N4BP2: variants seen among roughly 807,000 people sequenced by gnomAD.
N4BP2 encodes the protein NEDD4-binding protein 2.
N4BP2 carries 91 observed loss-of-function variants against 152.8 expected under a neutral mutation model. The ratio of observed to expected loss-of-function variants is 0.60; its 90% CI spans 0.50 to 0.71. N4BP2 has a LOEUF of 0.71. Ranked by LOEUF, N4BP2 falls within the 30% of genes least tolerant of loss-of-function variation. N4BP2 has a pLI of 0.00. For synonymous variants in N4BP2, 646 were observed against 705.3 expected, an observed-to-expected ratio of 0.92 and a Z score of 1.33; for missense variants, 1,923 against 2,059.1, an observed-to-expected ratio of 0.93 and a Z score of 1.28.
chr4:40,097,393 A>G lies in N4BP2; in HGVS notation c.53A>G (p.Asn18Ser), dbSNP rs554252441. The G allele has an allele frequency of 6.2e-7, 1 of 1,614,126 alleles. No individual in the cohort carries two copies. Among genetic ancestry groups the G allele is most frequent in the South Asian group, 1.1e-5 (1 of 91,076 alleles). The change falls in exon 3 of 18, where the codon AAC (asparagine) becomes AGC (serine). Residue 18 changes from asparagine (N) to serine (S), a missense_variant. Physicochemically the swap from Asn to Ser is conservative, Grantham distance 46 (BLOSUM62 1). Transcript: ENST00000261435. ...GGAAATCCTTTTCGGAAGACTGCAAACCCTAAGGAAGTTGTCGTATCCAGT... is the reference window on the plus strand; with the variant it reads ...GGAAATCCTTTTCGGAAGACTGCAAGCCCTAAGGAAGTTGTCGTATCCAGT... Reference protein sequence around the residue: ...LGGNPFRKTANPKEVVVSSVA... With the variant: ...LGGNPFRKTASPKEVVVSSVA...
rs1721442693 is a variant in N4BP2, at chr4:40,154,544, TATTA to T, written c.*311_*314del. 2 of 274,636 alleles carry T rather than the reference TATTA, an allele frequency of 7.3e-6. No homozygotes were observed. The highest frequency in any genetic ancestry group is 4.6e-5 in the African/African-American group (2 of 43,618). The allele number at this position is 274,636 out of a possible 1,614,324, so 17.0% of individuals were successfully genotyped here. ...TGTTTCTCAGAAAAGGTTACCTTTG[TATTA>T]ATTGTTGTATGACATTTAGTAATGT... On this transcript the variant is annotated 3_prime_UTR_variant, in exon 18 of 18. Transcript: ENST00000261435.
the N4BP2 span, among the ~76,000 whole-genome samples, chr4:40,165,465 T>C: frequency 6.6e-6 from 1 of 152,166 alleles, no homozygotes; most frequent in Non-Finnish European, 1.5e-5. Flanking sequence ...GCCAGGCTGG[T>C]CTTGAACTCC....
At chr4:40,097,715 T>C (rs1191533730) in intron 3 of N4BP2, 146 bp downstream of exon 3, 2 of 622,734 alleles carry the variant, frequency 3.2e-6, no homozygotes, top group African/African-American at 3.7e-5. Context: ...TTACTAAGGT[T>C]GGTATTTGAG....
rs144744607 is a variant in N4BP2, at chr4:40,119,613, G to A, written c.1821-319G>A. Among the ~76,000 whole-genome samples, 746 of 152,024 alleles carry A rather than the reference G, an allele frequency of 4.9e-3. 4 individuals are homozygous for A. The highest frequency in any genetic ancestry group is 0.01 in the Middle Eastern group (3 of 292). On this transcript the variant is annotated intron_variant, in intron 8 of 17. Coordinates refer to ENST00000261435, the MANE Select transcript of N4BP2 (RefSeq NM_018177.6). ...CTAGAAAAGTGGTGTCCTCTCCTGG[G>A]AACAAATTCAGAGCTTTAACTTTAA...
chr4:40,131,169 T>C (rs1718872327), intron 12 of N4BP2, among the ~76,000 whole-genome samples: 1 of 152,200 alleles, frequency 6.6e-6, no homozygotes, highest in African/African-American at 2.4e-5. Context: ...AGTGTCACTT[T>C]TATGAGGACC....
intron 11 of N4BP2, 147 bp downstream of exon 11, chr4:40,124,352 A>T (rs60235459): frequency 0.076 from 30,230 of 399,424 alleles, 2,493 homozygotes; most frequent in East Asian, 0.42. Context: ...TTATTTATTT[A>T]TTTTTTTATT....
chr4:40,154,540 T>A lies in N4BP2; in HGVS notation c.*303T>A, dbSNP rs1721442221. On this transcript the variant is annotated 3_prime_UTR_variant, in exon 18 of 18. Transcript: ENST00000261435. ...TGATTGTTTCTCAGAAAAGGTTACC[T>A]TTGTATTAATTGTTGTATGACATTT... 1 of 281,178 alleles carries A rather than the reference T, an allele frequency of 3.6e-6. No individual in the cohort carries two copies. Among genetic ancestry groups the A allele is most frequent in the Non-Finnish European group, 6.6e-6 (1 of 150,964 alleles). 17.4% of individuals were successfully genotyped at this position (281,178 alleles called of 1,614,324 possible). A position where few individuals can be genotyped will look rare whatever the true frequency, so the allele number is the denominator to read the frequency against.
At chr4:40,066,198 G>A (rs2109889961) in intron 1 of N4BP2, among the ~76,000 whole-genome samples, 1 of 152,146 alleles carries the variant, frequency 6.6e-6, no homozygotes, top group East Asian at 1.9e-4. Context: ...CAGTGTGTTG[G>A]GATTACAGGT....
chr4:40,135,696 G>A (rs1291771955), intron 13 of N4BP2, among the ~76,000 whole-genome samples: 1 of 152,144 alleles, frequency 6.6e-6, no homozygotes, highest in Non-Finnish European at 1.5e-5. Flanking sequence ...CCAAGTAGTT[G>A]GGATTACAGG....
At chr4:40,137,196 G>T in intron 14 of N4BP2, 114 bp downstream of exon 14, 1 of 854,574 alleles carries the variant, frequency 1.2e-6, no homozygotes, top group African/African-American at 1.7e-5. Flanking sequence ...GACTAGACTG[G>T]AAATTTAACC....
At chr4:40,081,025 T>A (rs1713313720) in intron 2 of N4BP2, among the ~76,000 whole-genome samples, 1 of 152,056 alleles carries the variant, frequency 6.6e-6, no homozygotes, top group Non-Finnish European at 1.5e-5. Context: ...TATGTTTAGA[T>A]CTTTTTACAT....
At chr4:40,104,328 A>G (rs1430273274) in intron 4 of N4BP2, among the ~76,000 whole-genome samples, 2 of 141,548 alleles carry the variant, frequency 1.4e-5, no homozygotes, top group Admixed American at 7.3e-5. Context: ...TTGGGTCTCT[A>G]TTTGATCCTG....
At chr4:40,071,291 T>C (rs1465102945) in intron 1 of N4BP2, among the ~76,000 whole-genome samples, 1 of 152,162 alleles carries the variant, frequency 6.6e-6, no homozygotes, top group East Asian at 1.9e-4. Flanking sequence ...CTCTATCCCC[T>C]ATATTTATTT....
intron 1 of N4BP2, among the ~76,000 whole-genome samples, chr4:40,065,362 G>A (rs1733964840): frequency 6.6e-6 from 1 of 152,186 alleles, no homozygotes. Flanking sequence ...CTATATTGGG[G>A]TTTGGGAGAA....
At chr4:40,093,435 C>T (rs1714811332) in intron 2 of N4BP2, among the ~76,000 whole-genome samples, 1 of 151,260 alleles carries the variant, frequency 6.6e-6, no homozygotes, top group Admixed American at 6.6e-5. Context: ...GAGACAGAGT[C>T]TTGCCGTGTC....
the N4BP2 span, among the ~76,000 whole-genome samples, chr4:40,163,315 T>A: frequency 6.6e-6 from 1 of 152,210 alleles, no homozygotes; most frequent in Non-Finnish European, 1.5e-5. Flanking sequence ...ATTGTTGTCT[T>A]ACCCAACAGT....
chr4:40,144,544 C>T, intron 15 of N4BP2, 88 bp from the exon 16 acceptor site: 2 of 1,017,436 alleles, frequency 2.0e-6, no homozygotes, highest in Non-Finnish European at 1.4e-6. Flanking sequence ...CTTTTTCCCC[C>T]TTCCTTTTAT....
downstream of N4BP2, among the ~76,000 whole-genome samples, chr4:40,160,393 T>G (rs1721826909): frequency 6.6e-6 from 1 of 152,180 alleles, no homozygotes; most frequent in African/African-American, 2.4e-5. Flanking sequence ...AAAGCATGAA[T>G]GTTGATTTTT....
chr4:40,126,849 T>C (rs920725455), intron 12 of N4BP2, among the ~76,000 whole-genome samples: 1 of 151,926 alleles, frequency 6.6e-6, no homozygotes, highest in Non-Finnish European at 1.5e-5. Flanking sequence ...CCTCCATCTT[T>C]CGGGTTCAAA....
Sources: allele counts gnomAD v4.1 joint callset (sites outside exome capture counted in the v4.1 genomes callset), GRCh38; gene constraint gnomAD v4.1.1; transcripts MANE v1.5; gene names NCBI Gene and HGNC (gene_info 2026-07-23, HGNC 2026-07-21).